TONSL: variants seen among roughly 807,000 people sequenced by gnomAD.
TONSL encodes the protein tonsoku-like protein.
Under a neutral mutation model 147.1 loss-of-function variants are expected in TONSL, and 112 were observed. That is an observed-to-expected ratio of 0.76 (90% CI 0.65 to 0.89). The LOEUF (loss-of-function observed/expected upper bound fraction) is 0.89, where lower values mean the gene tolerates loss of function less well. Among genes scored for constraint, TONSL ranks in the 40% least tolerant of loss-of-function variants. TONSL has a pLI of 0.00. For synonymous variants in TONSL, 868 were observed against 801.5 expected (o/e 1.08, Z -1.40); for missense variants, 1,883 against 1,864.6 (o/e 1.01, Z -0.18).
chr8:144,440,022 G>A lies in TONSL; in HGVS notation c.1479C>T (p.Gly493=), dbSNP rs1447394029. ...ATGCAAGGTGCCGCTGGCCCTCACCGCCCTCTGAGAGCTCCACCTCGCCGG... is the reference window on the plus strand; with the variant it reads ...ATGCAAGGTGCCGCTGGCCCTCACCACCCTCTGAGAGCTCCACCTCGCCGG... The part of the protein sequence containing the change: ...LEAGEVELSE[G]EDDTDGLTPQ... The change falls in exon 11 of 26, where the codon GGC becomes GGT. Residue 493 remains glycine (G), a splice_region_variant and synonymous_variant. Transcript: ENST00000409379. The A allele has an allele frequency of 1.0e-5, 12 of 1,193,054 alleles. No homozygotes were observed. Among genetic ancestry groups the A allele is most frequent in the African/African-American group, 7.5e-5 (5 of 66,744 alleles). The allele number at this position is 1,193,054 out of a possible 1,614,324, so 73.9% of individuals were successfully genotyped here.
At chr8:144,438,203 C>T (rs144639034) in intron 13 of TONSL, 15 of 540,288 alleles carry the variant, frequency 2.8e-5, no homozygotes, top group African/African-American at 1.1e-4. Flanking sequence ...GTGCAGCCTC[C>T]GCTTTTTAAA....
At chr8:144,438,817 A>G in intron 11 of TONSL, 82 bp from the exon 12 acceptor site, 1 of 1,416,008 alleles carries the variant, frequency 7.1e-7, no homozygotes. Flanking sequence ...AGCTCCCCAA[A>G]CTCCCAGGTA....
chr8:144,443,173 T>C lies in TONSL; in HGVS notation c.413A>G (p.Glu138Gly), dbSNP rs1586698044. The C allele has an allele frequency of 6.4e-7, 1 of 1,550,682 alleles. No individual in the cohort carries two copies. Residue 138 changes from glutamate (E) to glycine (G), a missense_variant, in exon 4 of 26, where the codon GAG (glutamate) becomes GGG (glycine). Glu to Gly is a moderately conservative substitution (Grantham distance 98). Transcript: ENST00000409379. The part of the protein sequence containing the change: ...DALLQAQAAF[E>G]KSLAIVDEEL... The stretch of plus-strand genomic sequence containing the variant: ...CTCATCCACAATAGCCAAGCTCTTC[T>C]CAAAGGCAGCCTGTGCCTGCAGCAA...
intron 20 of TONSL, among the ~76,000 whole-genome samples, 193 bp from the exon 21 acceptor site, chr8:144,434,472 T>G (rs1402905678): frequency 2.6e-5 from 4 of 152,148 alleles, no homozygotes; most frequent in Non-Finnish European, 5.9e-5. Flanking sequence ...TGCAGCACCC[T>G]GAGCTCCACC....
chr8:144,435,619 G>A (rs1303952155), intron 17 of TONSL, 39 bp downstream of exon 17: 1 of 1,580,466 alleles, frequency 6.3e-7, no homozygotes, highest in Admixed American at 1.7e-5. Context: ...TGCCTGCCCG[G>A]AGTGGGGAGA....
chr8:144,442,321 A>C lies in TONSL; in HGVS notation c.670T>G (p.Cys224Gly). 2 of 1,598,450 alleles carry C rather than the reference A, an allele frequency of 1.3e-6. No individual in the cohort carries two copies. Among genetic ancestry groups the C allele is most frequent in the Non-Finnish European group, 1.7e-6 (2 of 1,169,512 alleles). Reference sequence around the variant, plus strand: ...GCACACTCCCGGGCACCCTCCAAGCAGCGCATAGCCTGGGAGTGCTGGCCC... The same window carrying C: ...GCACACTCCCGGGCACCCTCCAAGCCGCGCATAGCCTGGGAGTGCTGGCCC... Reference protein sequence around the residue: ...RAGQHSQAMRCLEGARECAHT... With the variant: ...RAGQHSQAMRGLEGARECAHT... Residue 224 changes from cysteine (C) to glycine (G), a missense_variant, in exon 6 of 26, where the codon TGC (cysteine) becomes GGC (glycine). Physicochemically the swap from Cys to Gly is radical, Grantham distance 159 (BLOSUM62 -3). Coordinates refer to ENST00000409379, the MANE Select transcript of TONSL (RefSeq NM_013432.5).
Position 144,428,919 on chromosome 8 carries a change from A to T in TONSL, c.*224T>A. ...ATTCTCCTGCCTCAGCCTCCGGAGT[A>T]GCTGGGACTACAGGCTTCCACCACC... On this transcript the variant is annotated 3_prime_UTR_variant, in exon 26 of 26. Coordinates refer to ENST00000409379, the MANE Select transcript of TONSL (RefSeq NM_013432.5). 2 of 447,844 alleles carry T rather than the reference A, an allele frequency of 4.5e-6. No homozygotes were observed. Among genetic ancestry groups the T allele is most frequent in the Non-Finnish European group, 7.8e-6 (2 of 257,056 alleles). The allele number at this position is 447,844 out of a possible 1,614,324, so 27.7% of individuals were successfully genotyped here.
At position 144,442,344 on chromosome 8, in the gene TONSL, C is replaced by T. The variant is rs1286084054; in HGVS notation, c.647G>A (p.Gly216Asp). 1.3e-6 allele frequency: 2 copies of T among 1,591,772 alleles called. No individual in the cohort carries two copies. The highest frequency in any genetic ancestry group is 1.1e-5 in the South Asian group (1 of 90,290). The change falls in exon 6 of 26, where the codon GGC (glycine) becomes GAC (aspartate). Residue 216 changes from glycine to aspartate, a missense_variant. Coordinates refer to ENST00000409379, the MANE Select transcript of TONSL (RefSeq NM_013432.5). ...GCAGCGCATAGCCTGGGAGTGCTGG[C>T]CCGCGCGCCAGTGGATGGTGCCCAG... ...YNLGTIHWRA[G>D]QHSQAMRCLE...
Position 144,432,316 on chromosome 8 carries a change from A to T in TONSL, c.3704T>A (p.Leu1235His). Reference sequence around the variant, plus strand: ...CAGGTATCGGAATACAGGCTCCATGAGGTCCGAATCACCCTTGCCGGCTGC... The same window carrying T: ...CAGGTATCGGAATACAGGCTCCATGTGGTCCGAATCACCCTTGCCGGCTGC... ...SVAAGKGDSDLMEPVFRYLAK... is the reference protein window; with the variant it reads ...SVAAGKGDSDHMEPVFRYLAK... The change falls in exon 23 of 26, where the codon CTC (leucine) becomes CAC (histidine). Residue 1235 changes from leucine to histidine, a missense_variant. By Grantham distance (99) the Leu-to-His change is moderately conservative. Transcript: ENST00000409379. 1 of 1,613,706 alleles carries T rather than the reference A, an allele frequency of 6.2e-7. No homozygotes were observed. Among genetic ancestry groups the T allele is most frequent in the Non-Finnish European group, 8.5e-7 (1 of 1,179,924 alleles).
rs763319547 is a variant in TONSL at position 144,436,421 on chromosome 8, G to C, written c.2015-3C>G. 6.6e-7 allele frequency: 1 copy of C among 1,519,906 alleles called. No homozygotes were observed. The highest frequency in any genetic ancestry group is 2.3e-5 in the East Asian group (1 of 44,112). The allele number at this position is 1,519,906 out of a possible 1,614,324, so 94.2% of individuals were successfully genotyped here. ...GAAGGCCTGGGAGCTGTGGGGATCT[G>C]TGGGAGAGAGAATGCGTGTTGAGGC... On this transcript the variant is annotated splice_polypyrimidine_tract_variant and splice_region_variant and intron_variant, in intron 16 of 25. Transcript: ENST00000409379.
rs1554879403 is a variant in TONSL at position 144,434,240 on chromosome 8, C to A, written c.3125G>T (p.Gly1042Val). Residue 1042 changes from glycine to valine, a missense_variant, in exon 21 of 26, where the codon GGC (glycine) becomes GTC (valine). Coordinates refer to ENST00000409379, the MANE Select transcript of TONSL (RefSeq NM_013432.5). The part of the protein sequence containing the change: ...QQVLQAVELQ[G>V]LGLSFSACSL... ...GCAGGCGCTGAACGAGAGGCCCAAG[C>A]CCTGGAGCTCCACGGCCTGCAGCAC... 3.3e-6 allele frequency: 5 copies of A among 1,531,628 alleles called. No homozygotes were observed. The highest frequency in any genetic ancestry group is 2.0e-5 in the Admixed American group (1 of 49,516). The allele number at this position is 1,531,628 out of a possible 1,614,324, so 94.9% of individuals were successfully genotyped here. A position where few individuals can be genotyped will look rare whatever the true frequency, so the allele number is the denominator to read the frequency against.
rs200834102 is a variant in TONSL at position 144,433,632 on chromosome 8, C to A, written c.3515G>T (p.Ser1172Ile). Residue 1172 changes from serine (S) to isoleucine (I), a missense_variant, in exon 22 of 26, where the codon AGC becomes ATC. By Grantham distance (142) the Ser-to-Ile change is moderately radical. Coordinates refer to ENST00000409379, the MANE Select transcript of TONSL (RefSeq NM_013432.5). Reference protein sequence around the residue: ...LRLQACGFGPSFFLSHQTALG... With the variant: ...LRLQACGFGPIFFLSHQTALG... ...TGCTGTCTGGTGGCTCAGAAAGAAG[C>A]TGGGGCCGAAGCCACACGCCTGCAG... 1.7e-4 allele frequency: 274 copies of A among 1,613,290 alleles called. No homozygotes were observed. Among genetic ancestry groups the A allele is most frequent in the Non-Finnish European group, 2.2e-4 (255 of 1,179,988 alleles).
intron 13 of TONSL, among the ~76,000 whole-genome samples, chr8:144,438,007 AC>A (rs1351275090): frequency 3.3e-5 from 5 of 151,594 alleles, no homozygotes; most frequent in Admixed American, 6.6e-5. Flanking sequence ...GGCTCAAGCA[AC>A]CCTCCCACCT....
At chr8:144,429,813 G>A (rs1346721046) in intron 25 of TONSL, among the ~76,000 whole-genome samples, 1 of 152,052 alleles carries the variant, frequency 6.6e-6, no homozygotes, top group Non-Finnish European at 1.5e-5. Context: ...GAAGGGGAGG[G>A]GGCACAGGAA....
Position 144,430,444 on chromosome 8 carries a change from G to A in TONSL, c.3903C>T (p.Leu1301=), listed in dbSNP as rs782205513. Residue 1301 remains leucine (L), a synonymous_variant, in exon 25 of 26, where the codon CTC becomes CTT. Coordinates refer to ENST00000409379, the MANE Select transcript of TONSL (RefSeq NM_013432.5). The part of the protein sequence containing the change: ...CASLEELLST[L]QKRPQGLSFL... ...AGCTAAGGCCTTGGGGCCGCTTTTG[G>A]AGGGTGGACAGGAGCTCTTCCAAGC... 6.2e-7 allele frequency: 1 copy of A among 1,612,820 alleles called. No individual in the cohort carries two copies. Among genetic ancestry groups the A allele is most frequent in the Non-Finnish European group, 8.5e-7 (1 of 1,179,444 alleles).
rs1823366824 is a variant in TONSL, at chr8:144,434,836, G to A, written c.3060C>T (p.Arg1020=). The A allele has an allele frequency of 3.1e-6, 5 of 1,613,526 alleles. No individual in the cohort carries two copies. The East Asian group carries it at 8.9e-5, about 29-fold the overall frequency. Residue 1020 remains arginine (R), a synonymous_variant, in exon 20 of 26, where the codon CGC becomes CGT. Transcript: ENST00000409379. ...WDLPPLTDRY[R]RACQSLGQGE... is the part of the protein sequence containing the mutation. ...CTTGCCCCAGGCTCTGGCAGGCCCT[G>A]CGGTAGCGGTCAGTCAACGGGGGCA...
In TONSL at chr8:144,431,103, C is replaced by A. The variant is rs953856679; in HGVS notation, c.3784G>T (p.Asp1262Tyr). The A allele has an allele frequency of 6.2e-7, 1 of 1,614,144 alleles. No individual in the cohort carries two copies. ...CTGCACAGGTCTCTAACAGCCTTGT[C>A]CCCCAGGTGGTTTGCAGACAGGGTC... ...HLTLSANHLG[D>Y]KAVRDLCRCL... The change falls in exon 24 of 26, where the codon GAC becomes TAC. Residue 1262 changes from aspartate (D) to tyrosine (Y), a missense_variant. Transcript: ENST00000409379.
Position 144,429,096 on chromosome 8 carries a change from T to G in TONSL, c.*47A>C. 6.8e-7 allele frequency: 1 copy of G among 1,472,524 alleles called. No homozygotes were observed. The allele number at this position is 1,472,524 out of a possible 1,614,324, so 91.2% of individuals were successfully genotyped here. A position where few individuals can be genotyped will look rare whatever the true frequency, so the allele number is the denominator to read the frequency against. On this transcript the variant is annotated 3_prime_UTR_variant, in exon 26 of 26. Transcript: ENST00000409379. ...GAGCCACCGCGCCCGGCCAGCAGCT[T>G]CATTTATTAGGGGCTTCGGTGAGGG...
At position 144,431,976 on chromosome 8, in the gene TONSL, C is replaced by T. The variant is rs535498218; in HGVS notation, c.3735+309G>A. Reference sequence around the variant, plus strand: ...CCGAGTAGCTGGGATTACAGGTACCCGCCACCACGCCTGGGTAATTTTTGT... The same window carrying T: ...CCGAGTAGCTGGGATTACAGGTACCTGCCACCACGCCTGGGTAATTTTTGT... On this transcript the variant is annotated intron_variant, in intron 23 of 25. Coordinates refer to ENST00000409379, the MANE Select transcript of TONSL (RefSeq NM_013432.5). Among the ~76,000 whole-genome samples the T allele has an allele frequency of 2.1e-4, 32 of 151,920 alleles. No individual in the cohort carries two copies. In the South Asian group the frequency reaches 6.7e-3, roughly 32 times the overall value.
Sources: gnomAD v4.1 joint callset for allele counts (sites outside exome capture counted in the v4.1 genomes callset) on GRCh38, gnomAD v4.1.1 for gene constraint, MANE v1.5 for transcripts, NCBI Gene and HGNC (gene_info 2026-07-23, HGNC 2026-07-21) for gene names.